The following UTRN variants were observed in gnomAD, a reference collection of about 807,000 sequenced individuals.
UTRN encodes the protein dystrophin-related protein 1.
Under a neutral mutation model 463.9 loss-of-function variants are expected in UTRN, and 283 were observed. That is an observed-to-expected ratio of 0.61 (90% CI 0.55 to 0.67). The LOEUF is 0.67. UTRN is among the 30% of genes least tolerant of loss of function. The pLI, the probability that UTRN is intolerant of heterozygous loss-of-function variation, is 0.00. For missense variants in UTRN, 3,922 were observed against 4,084.3 expected, an observed-to-expected ratio of 0.96 and a Z score of 1.08; for synonymous variants, 1,442 against 1,431.5, an observed-to-expected ratio of 1.01 and a Z score of -0.17.
chr6:144,361,346 C>T (rs1779060290), intron 2 of UTRN, among the ~76,000 whole-genome samples: 1 of 152,062 alleles, frequency 6.6e-6, no homozygotes, highest in Non-Finnish European at 1.5e-5. Context: ...CTAATTTTGT[C>T]CTTGATTTTG....
At chr6:144,329,170 C>T (rs1776176251) in intron 2 of UTRN, among the ~76,000 whole-genome samples, 1 of 150,118 alleles carries the variant, frequency 6.7e-6, no homozygotes, top group African/African-American at 2.5e-5. Context: ...GCAACTTCTA[C>T]CTCTCGGGTT....
intron 66 of UTRN, among the ~76,000 whole-genome samples, chr6:144,824,612 A>T (rs71547170): frequency 0.063 from 2,491 of 39,650 alleles, 185 homozygotes; most frequent in East Asian, 0.2. Flanking sequence ...ATATATATAT[A>T]TCTTTTTTTT....
At chr6:144,341,719 A>G (rs976833969) in intron 2 of UTRN, among the ~76,000 whole-genome samples, 1 of 152,174 alleles carries the variant, frequency 6.6e-6, no homozygotes, top group African/African-American at 2.4e-5. Flanking sequence ...GGTGGAAAGA[A>G]CTGATTTGTA....
chr6:144,738,257 C>T (rs995891012), intron 54 of UTRN, among the ~76,000 whole-genome samples: 1 of 152,186 alleles, frequency 6.6e-6, no homozygotes, highest in Non-Finnish European at 1.5e-5. Flanking sequence ...GTTTTCTGGT[C>T]TCTCCCTTGT....
chr6:144,814,424 T>C (rs1778899685), intron 65 of UTRN, among the ~76,000 whole-genome samples: 1 of 152,188 alleles, frequency 6.6e-6, no homozygotes, highest in African/African-American at 2.4e-5. Context: ...GCAGACTGAA[T>C]AGATTGAGAC....
chr6:144,526,662 A>G (rs1328123861), intron 41 of UTRN, among the ~76,000 whole-genome samples: 1 of 149,716 alleles, frequency 6.7e-6, no homozygotes, highest in African/African-American at 2.5e-5. Flanking sequence ...TAAATGAAGC[A>G]TTTAGGCCAT....
chr6:144,636,462 G>T (rs7764956), intron 51 of UTRN, among the ~76,000 whole-genome samples: 49,973 of 151,842 alleles, frequency 0.33, 8,581 homozygotes, highest in Middle Eastern at 0.49. Context: ...GTTGATAGGC[G>T]CAGCAAACCG....
At chr6:144,806,346 A>G (rs1778145203) in intron 65 of UTRN, among the ~76,000 whole-genome samples, 1 of 152,170 alleles carries the variant, frequency 6.6e-6, no homozygotes. Context: ...CTTATCCTGC[A>G]TTATACAAGG....
intron 56 of UTRN, among the ~76,000 whole-genome samples, chr6:144,754,315 A>G (rs1791740592): frequency 6.6e-6 from 1 of 152,212 alleles, no homozygotes; most frequent in African/African-American, 2.4e-5. Context: ...CAGTTAGGGC[A>G]CAGATTCTGG....
intron 42 of UTRN, among the ~76,000 whole-genome samples, chr6:144,532,092 G>A (rs968817787): frequency 1.3e-5 from 2 of 152,206 alleles, no homozygotes; most frequent in South Asian, 2.1e-4. Flanking sequence ...AGCCAAGATC[G>A]TGCCACTGCA....
At chr6:144,643,757 A>G (rs1474190474) in intron 51 of UTRN, among the ~76,000 whole-genome samples, 1 of 151,542 alleles carries the variant, frequency 6.6e-6, no homozygotes, top group African/African-American at 2.4e-5. Context: ...AGACCATGCC[A>G]TTGCACTCCA....
At chr6:144,718,774 A>C (rs927485047) in intron 53 of UTRN, among the ~76,000 whole-genome samples, 6 of 152,218 alleles carry the variant, frequency 3.9e-5, no homozygotes, top group African/African-American at 1.4e-4. Context: ...GCTCTGGCAC[A>C]AATTTCAGCC....
At chr6:144,681,662 C>T (rs1222294366) in intron 52 of UTRN, among the ~76,000 whole-genome samples, 3 of 151,778 alleles carry the variant, frequency 2.0e-5, no homozygotes, top group Admixed American at 6.6e-5. Context: ...TACTCAGTCT[C>T]GTTATCTCAA....
At chr6:144,692,978 T>C (rs1485650748) in intron 52 of UTRN, among the ~76,000 whole-genome samples, 3 of 152,070 alleles carry the variant, frequency 2.0e-5, no homozygotes, top group Non-Finnish European at 4.4e-5. Context: ...ATGTGTAGAA[T>C]GGTATTGCCT....
intron 23 of UTRN, among the ~76,000 whole-genome samples, chr6:144,469,956 C>T (rs1317538595): frequency 1.3e-5 from 2 of 152,096 alleles, no homozygotes; most frequent in Non-Finnish European, 2.9e-5. Flanking sequence ...CATCTTGCAC[C>T]GCCCTTAATC....
Position 144,852,348 on chromosome 6 carries a change from T to C in UTRN, c.*1351T>C, listed in dbSNP as rs955595467. On this transcript the variant is annotated 3_prime_UTR_variant, in exon 75 of 75. Transcript: ENST00000367545. ...TTAAACATGTTACTTAATTAGCAAA[T>C]GTAGAGGAACCAAAAAAAGGTGAAA... The C allele has an allele frequency of 6.6e-6, 1 of 152,034 alleles. No homozygotes were observed. Among genetic ancestry groups the C allele is most frequent in the Non-Finnish European group, 1.5e-5 (1 of 68,002 alleles). 9.4% of individuals were successfully genotyped at this position (152,034 alleles called of 1,614,324 possible).
chr6:144,522,318 A>G (rs1796177951), intron 40 of UTRN, 147 bp downstream of exon 40: 2 of 578,416 alleles, frequency 3.5e-6, no homozygotes, highest in Non-Finnish European at 5.3e-6. Context: ...AAGCTTTCCT[A>G]TATTGTCAAA....
chr6:144,413,626 GA>G (rs1784108683), intron 3 of UTRN, among the ~76,000 whole-genome samples: 1 of 152,210 alleles, frequency 6.6e-6, no homozygotes, highest in South Asian at 2.1e-4. Flanking sequence ...GTTGGGTGGG[GA>G]CACAGCCAAA....
At chr6:144,732,250 A>AAAAAATG (rs1562832667) in intron 54 of UTRN, among the ~76,000 whole-genome samples, 1 of 116,740 alleles carries the variant, frequency 8.6e-6, no homozygotes, top group African/African-American at 4.1e-5. Flanking sequence ...ATATATATAT[A>AAAAAATG]TATATATACA....
Sources: gnomAD v4.1 joint callset for allele counts (sites outside exome capture counted in the v4.1 genomes callset) on GRCh38, gnomAD v4.1.1 for gene constraint, MANE v1.5 for transcripts, NCBI Gene and HGNC (gene_info 2026-07-23, HGNC 2026-07-21) for gene names.